NAV3: variants seen among roughly 807,000 people sequenced by gnomAD.
NAV3 encodes neuron navigator 3, also known as pore membrane and/or filament interacting like protein 1.
In NAV3, 87 loss-of-function variants were observed where a neutral mutation model predicts 244.7. The observed-to-expected ratio is 0.36, with a 90% confidence interval of 0.30 to 0.42. The LOEUF is 0.42. Among genes scored for constraint, NAV3 ranks in the 20% least tolerant of loss-of-function variants. NAV3 has a pLI of 1.00. For missense variants in NAV3, 2,663 were observed against 2,893.3 expected, an observed-to-expected ratio of 0.92 and a Z score of 1.83; for synonymous variants, 1,126 against 1,042.2, an observed-to-expected ratio of 1.08 and a Z score of -1.55.
intron 1 of NAV3, among the ~76,000 whole-genome samples, chr12:77,928,025 A>G (rs1343507295): frequency 6.6e-6 from 1 of 151,970 alleles, no homozygotes; most frequent in African/African-American, 2.4e-5. Flanking sequence ...GTTCGAGACC[A>G]GTCTGGCCAA....
intron 2 of NAV3, among the ~76,000 whole-genome samples, chr12:77,724,083 G>T (rs910520753): frequency 1.1e-4 from 17 of 151,708 alleles, no homozygotes; most frequent in East Asian, 1.9e-4. Flanking sequence ...AAATAAATGA[G>T]ATAAAGTATA....
At chr12:77,984,975 T>C (rs1424360794) in intron 5 of NAV3, among the ~76,000 whole-genome samples, 1 of 151,980 alleles carries the variant, frequency 6.6e-6, no homozygotes, top group Non-Finnish European at 1.5e-5. Context: ...TGCCACCACG[T>C]TCAGCTAATT....
Position 77,946,102 on chromosome 12 carries a change from G to GTATATA in NAV3, c.414+4983_414+4988dup, listed in dbSNP as rs35092398. Among the ~76,000 whole-genome samples the GTATATA allele has an allele frequency of 3.7e-3, 532 of 141,974 alleles. 4 individuals carry two copies. The highest frequency in any genetic ancestry group is 0.013 in the African/African-American group (501 of 38,590). The allele number at this position is 141,974 out of a possible 152,430, so 93.1% of individuals were successfully genotyped here. ...AGAAAAATTCACCATATATATATAT[G>GTATATA]TATATATATATATATATATTGTGTA... On this transcript the variant is annotated intron_variant, in intron 3 of 39. Transcript: ENST00000397909.
chr12:77,713,682 A>G (rs772559649), intron 2 of NAV3, among the ~76,000 whole-genome samples: 18 of 152,074 alleles, frequency 1.2e-4, no homozygotes, highest in Non-Finnish European at 2.4e-4. Flanking sequence ...TGTTTCCCCT[A>G]TTGCACCCTT....
intron 2 of NAV3, among the ~76,000 whole-genome samples, chr12:77,785,345 T>C (rs1408087039): frequency 6.6e-6 from 1 of 152,112 alleles, no homozygotes; most frequent in Admixed American, 6.6e-5. Context: ...GCTTCCTTCC[T>C]GGGAGACACT....
chr12:77,761,337 C>T (rs187796092), intron 2 of NAV3, among the ~76,000 whole-genome samples: 91 of 152,292 alleles, frequency 6.0e-4, no homozygotes, highest in African/African-American at 2.1e-3. Context: ...AGGTGTGAGC[C>T]ACCATGTCCA....
At chr12:77,912,701 G>C (rs921573741) in intron 1 of NAV3, among the ~76,000 whole-genome samples, 2 of 152,058 alleles carry the variant, frequency 1.3e-5, no homozygotes, top group Non-Finnish European at 2.9e-5. Context: ...TGCGATCTCA[G>C]CTGACTGCAA....
intron 2 of NAV3, among the ~76,000 whole-genome samples, chr12:77,611,949 G>T (rs73425530): frequency 0.019 from 2,952 of 152,072 alleles, 87 homozygotes; most frequent in African/African-American, 0.067. Flanking sequence ...CCCGTATAAT[G>T]TTGAGCTCAA....
intron 2 of NAV3, among the ~76,000 whole-genome samples, chr12:77,654,723 A>G (rs898480886): frequency 1.1e-4 from 16 of 152,100 alleles, no homozygotes; most frequent in Admixed American, 2.6e-4. Flanking sequence ...GGGCAGACTG[A>G]CACCTCACAT....
At chr12:77,686,913 A>G (rs74104992) in intron 2 of NAV3, among the ~76,000 whole-genome samples, 4,108 of 152,122 alleles carry the variant, frequency 0.027, 188 homozygotes, top group African/African-American at 0.093. Flanking sequence ...GAATTTTTTA[A>G]AAAAACAAAA....
intron 5 of NAV3, among the ~76,000 whole-genome samples, chr12:77,978,476 T>C (rs1003909177): frequency 6.6e-6 from 1 of 152,144 alleles, no homozygotes; most frequent in Non-Finnish European, 1.5e-5. Flanking sequence ...TGATTATATA[T>C]GTAATTATTT....
intron 2 of NAV3, among the ~76,000 whole-genome samples, chr12:77,786,468 TA>T (rs1305272669): frequency 6.6e-6 from 1 of 152,158 alleles, no homozygotes; most frequent in Non-Finnish European, 1.5e-5. Context: ...TAGGATAATT[TA>T]AAGGGAATGT....
At chr12:77,976,756 G>T (rs946415948) in intron 5 of NAV3, among the ~76,000 whole-genome samples, 4 of 130,068 alleles carry the variant, frequency 3.1e-5, no homozygotes, top group Admixed American at 1.9e-4. Context: ...TTGGCTCACT[G>T]CAACCTTCCC....
chr12:78,051,935 C>G (rs955641375), intron 11 of NAV3, among the ~76,000 whole-genome samples: 1 of 152,152 alleles, frequency 6.6e-6, no homozygotes, highest in Non-Finnish European at 1.5e-5. Context: ...TATACATGTT[C>G]TATGGATAAG....
intron 1 of NAV3, among the ~76,000 whole-genome samples, chr12:77,885,629 T>G (rs1289018790): frequency 3.9e-5 from 6 of 152,186 alleles, no homozygotes. Context: ...ACTTCCAGTA[T>G]TCTTCTAAAT....
intron 2 of NAV3, among the ~76,000 whole-genome samples, chr12:77,575,490 C>T (rs1006924125): frequency 6.6e-6 from 1 of 152,022 alleles, no homozygotes; most frequent in African/African-American, 2.4e-5. Flanking sequence ...CACCTGAATG[C>T]CCATAATGGA....
chr12:77,782,107 C>T (rs981067733), intron 2 of NAV3, among the ~76,000 whole-genome samples: 1 of 152,194 alleles, frequency 6.6e-6, no homozygotes, highest in Admixed American at 6.5e-5. Context: ...TCTTAGATTC[C>T]TAAAAGTCTC....
At chr12:77,639,290 G>A (rs1007638733) in intron 2 of NAV3, among the ~76,000 whole-genome samples, 2 of 152,126 alleles carry the variant, frequency 1.3e-5, no homozygotes, top group Admixed American at 1.3e-4. Flanking sequence ...ACTTGTCTAA[G>A]TGCTAGTGAT....
intron 2 of NAV3, among the ~76,000 whole-genome samples, chr12:77,728,945 G>C (rs1413185149): frequency 6.6e-6 from 1 of 151,722 alleles, no homozygotes; most frequent in Non-Finnish European, 1.5e-5. Flanking sequence ...AGACAATGGG[G>C]ATGAAGACCT....
Sources: gnomAD v4.1 joint callset for allele counts (sites outside exome capture counted in the v4.1 genomes callset) on GRCh38, gnomAD v4.1.1 for gene constraint, MANE v1.5 for transcripts, NCBI Gene and HGNC (gene_info 2026-07-23, HGNC 2026-07-21) for gene names.